The following DPP10 variants were observed in gnomAD, a reference collection of about 807,000 sequenced individuals.
DPP10 encodes the protein dipeptidyl peptidase like 10.
A neutral mutation model predicts 120.9 loss-of-function variants in DPP10; 33 were observed. That is an observed-to-expected ratio of 0.27 (90% CI 0.21 to 0.37). The LOEUF (loss-of-function observed/expected upper bound fraction) is 0.37, where lower values mean the gene tolerates loss of function less well. Ranked by LOEUF, DPP10 falls within the 10% of genes least tolerant of loss-of-function variation. The pLI is 1.00. For missense variants in DPP10, 816 were observed against 942.8 expected (o/e 0.87, Z 1.76); for synonymous variants, 337 against 326.1 (o/e 1.03, Z -0.36).
intron 1 of DPP10, among the ~76,000 whole-genome samples, chr2:114,747,904 C>A (rs2106018862): frequency 6.6e-6 from 1 of 152,260 alleles, no homozygotes; most frequent in South Asian, 2.1e-4. Flanking sequence ...TGCTCTAAAC[C>A]AGTGCCACTC....
intron 3 of DPP10, among the ~76,000 whole-genome samples, chr2:115,366,962 T>C (rs1480857665): frequency 1.3e-5 from 2 of 152,064 alleles, no homozygotes; most frequent in Non-Finnish European, 2.9e-5. Flanking sequence ...AGGGACCTTA[T>C]ATCCCGCAAT....
At chr2:115,237,430 A>G (rs2058059432) in intron 1 of DPP10, among the ~76,000 whole-genome samples, 1 of 152,090 alleles carries the variant, frequency 6.6e-6, no homozygotes, top group Non-Finnish European at 1.5e-5. Flanking sequence ...GCAGGCCTCC[A>G]TACTCCCTGA....
chr2:115,403,381 C>CTTTTTTTTTTTTTTTTTTTTTT lies in DPP10; in HGVS notation c.271+59484_271+59505dup, dbSNP rs78116780. Among the ~76,000 whole-genome samples, 3 of 118,386 alleles carry CTTTTTTTTTTTTTTTTTTTTTT rather than the reference C, an allele frequency of 2.5e-5. 1 individual carries two copies. The highest frequency in any genetic ancestry group is 7.1e-5 in the African/African-American group (2 of 28,108). The allele number at this position is 118,386 out of a possible 152,430, so 77.7% of individuals were successfully genotyped here. A position where few individuals can be genotyped will look rare whatever the true frequency, so the allele number is the denominator to read the frequency against. ...TACTTCTCTCTTTCTTTCTTTCCTT[C>CTTTTTTTTTTTTTTTTTTTTTT]TTTTTTTTTTTTTTTTTTTTTTTTT... On this transcript the variant is annotated intron_variant, in intron 3 of 25. Coordinates refer to ENST00000410059, the MANE Select transcript of DPP10 (RefSeq NM_020868.6).
At chr2:115,703,608 T>G (rs1575564664) in intron 7 of DPP10, among the ~76,000 whole-genome samples, 1 of 151,984 alleles carries the variant, frequency 6.6e-6, no homozygotes, top group Admixed American at 6.6e-5. Context: ...GGGGGGAAAC[T>G]TCATATTGTA....
At chr2:114,528,626 A>G (rs1400629919) in intron 1 of DPP10, among the ~76,000 whole-genome samples, 2 of 151,432 alleles carry the variant, frequency 1.3e-5, no homozygotes, top group Non-Finnish European at 2.9e-5. Flanking sequence ...TGGTTCATAT[A>G]GATTTGAGAT....
At chr2:115,324,128 TAGGC>T (rs1559421918) in intron 2 of DPP10, among the ~76,000 whole-genome samples, 2 of 152,098 alleles carry the variant, frequency 1.3e-5, no homozygotes, top group African/African-American at 4.8e-5. Context: ...ATACAAAAAT[TAGGC>T]AGGCAGGGTG....
intron 23 of DPP10, 51 bp downstream of exon 23, chr2:115,836,616 ATTAG>A: frequency 6.2e-7 from 1 of 1,609,468 alleles, no homozygotes. Context: ...GTTCTAAAAA[ATTAG>A]TTAAATGGCT....
chr2:115,004,650 A>G (rs889493621), intron 1 of DPP10, among the ~76,000 whole-genome samples: 7 of 152,140 alleles, frequency 4.6e-5, no homozygotes, highest in Non-Finnish European at 1.5e-5. Context: ...CTAATACTGC[A>G]CTTTTCCGTT....
At chr2:114,924,271 A>C (rs1695428138) in intron 1 of DPP10, among the ~76,000 whole-genome samples, 1 of 152,144 alleles carries the variant, frequency 6.6e-6, no homozygotes, top group Non-Finnish European at 1.5e-5. Context: ...CACGCCTGTA[A>C]TCCTAGCACT....
intron 1 of DPP10, among the ~76,000 whole-genome samples, chr2:114,910,776 C>A (rs541812464): frequency 1.3e-5 from 2 of 152,014 alleles, no homozygotes; most frequent in African/African-American, 4.8e-5. Flanking sequence ...ATAGTTCATG[C>A]TCAAAAAAAT....
chr2:115,286,986 G>T (rs2060431809), intron 1 of DPP10, among the ~76,000 whole-genome samples: 1 of 151,970 alleles, frequency 6.6e-6, no homozygotes, highest in Non-Finnish European at 1.5e-5. Flanking sequence ...AAATATTCAA[G>T]AATGTACTGA....
At chr2:115,676,513 CCAAA>C (rs1283962585) in intron 5 of DPP10, among the ~76,000 whole-genome samples, 29 of 151,836 alleles carry the variant, frequency 1.9e-4, no homozygotes, top group East Asian at 3.9e-4. Context: ...TAAAAAAGAA[CCAAA>C]CAGACATATT....
chr2:115,841,868 T>C (rs1342209951), intron 25 of DPP10, among the ~76,000 whole-genome samples: 3 of 152,126 alleles, frequency 2.0e-5, no homozygotes, highest in African/African-American at 4.8e-5. Context: ...TTTTCTAAAC[T>C]AAATACTCCT....
intron 1 of DPP10, among the ~76,000 whole-genome samples, chr2:114,758,381 C>G (rs1679979370): frequency 6.6e-6 from 1 of 152,160 alleles, no homozygotes; most frequent in South Asian, 2.1e-4. Context: ...ATATTTTAGA[C>G]AGTTGAAGTC....
intron 1 of DPP10, among the ~76,000 whole-genome samples, chr2:114,509,368 C>T (rs949357011): frequency 6.6e-6 from 1 of 152,178 alleles, no homozygotes; most frequent in Non-Finnish European, 1.5e-5. Flanking sequence ...TTTCTTACAT[C>T]GGATCACCAA....
At chr2:114,952,801 CA>C (rs1451965076) in intron 1 of DPP10, among the ~76,000 whole-genome samples, 1 of 149,602 alleles carries the variant, frequency 6.7e-6, no homozygotes, top group Non-Finnish European at 1.5e-5. Context: ...AGTTGATGAG[CA>C]AACAGTTAGG....
intron 1 of DPP10, among the ~76,000 whole-genome samples, chr2:114,807,946 C>T (rs775630101): frequency 6.6e-6 from 1 of 152,180 alleles, no homozygotes; most frequent in Non-Finnish European, 1.5e-5. Context: ...GCAAACACTA[C>T]AAATCAGTGT....
intron 1 of DPP10, among the ~76,000 whole-genome samples, chr2:115,195,820 A>G (rs2055221710): frequency 6.6e-6 from 1 of 152,168 alleles, no homozygotes; most frequent in Non-Finnish European, 1.5e-5. Flanking sequence ...CCACAAAGCA[A>G]CAGGGCAATT....
At chr2:115,791,499 C>G in intron 19 of DPP10, 143 bp downstream of exon 19, 1 of 730,158 alleles carries the variant, frequency 1.4e-6, no homozygotes, top group Non-Finnish European at 2.1e-6. Flanking sequence ...CTAAATTCCT[C>G]TAGAAGTCCA....
Sources: gnomAD v4.1 joint callset for allele counts (sites outside exome capture counted in the v4.1 genomes callset) on GRCh38, gnomAD v4.1.1 for gene constraint, MANE v1.5 for transcripts, NCBI Gene and HGNC (gene_info 2026-07-23, HGNC 2026-07-21) for gene names.